NAXD: variants seen among roughly 807,000 people sequenced by gnomAD.
NAXD encodes the protein NAD(P)HX dehydratase, also known as ATP-dependent (S)-NAD(P)H-hydrate dehydratase.
In NAXD, 22 loss-of-function variants were observed where a neutral mutation model predicts 35.8. The ratio of observed to expected loss-of-function variants is 0.62; its 90% CI spans 0.44 to 0.88. NAXD has a LOEUF of 0.88. NAXD is among the 40% of genes least tolerant of loss of function. NAXD has a pLI of 0.00. For synonymous variants in NAXD, 189 were observed against 177.6 expected (o/e 1.06, Z -0.51); for missense variants, 428 against 437.7 (o/e 0.98, Z 0.20).
intron 5 of NAXD, among the ~76,000 whole-genome samples, chr13:110,629,112 G>A (rs997976854): frequency 1.1e-4 from 17 of 152,274 alleles, no homozygotes; most frequent in Admixed American, 9.2e-4. Context: ...TGTCTGGTGC[G>A]GAGCAGAGGC....
intron 1 of NAXD, 138 bp from the exon 2 acceptor site, chr13:110,622,078 A>G (rs1027902215): frequency 7.0e-6 from 5 of 714,714 alleles, no homozygotes; most frequent in Non-Finnish European, 1.1e-5. Context: ...TGAACATCAT[A>G]TTTGCTTACA....
chr13:110,637,351 A>G (rs3825467), intron 9 of NAXD, 102 bp downstream of exon 9: 193,702 of 1,370,198 alleles, frequency 0.14, 15,545 homozygotes, highest in Admixed American at 0.34. Flanking sequence ...AACACTGACA[A>G]TGAACTCTAG....
At position 110,622,313 on chromosome 13, in the gene NAXD, C is replaced by T. The variant is rs1428988517; in HGVS notation, c.144C>T (p.Ser48=). Residue 48 remains serine (S), a synonymous_variant, in exon 2 of 10, where the codon TCC becomes TCT. Coordinates refer to ENST00000680254, the MANE Select transcript of NAXD (RefSeq NM_001242882.2). The part of the protein sequence containing the change: ...LVRNIIPPLS[S]TKHKGQDGRI... Reference sequence around the variant, plus strand: ...GAAATATCATACCTCCTCTGTCTTCCACAAAGCACAAAGGGCAAGATGGAA... The same window carrying T: ...GAAATATCATACCTCCTCTGTCTTCTACAAAGCACAAAGGGCAAGATGGAA... 1.9e-6 allele frequency: 3 copies of T among 1,614,144 alleles called. No individual in the cohort carries two copies. In the South Asian group the frequency reaches 3.3e-5, roughly 18 times the overall value.
intron 8 of NAXD, 28 bp downstream of exon 8, chr13:110,635,616 G>C (rs749785679): frequency 6.2e-7 from 1 of 1,611,072 alleles, no homozygotes; most frequent in South Asian, 1.1e-5. Flanking sequence ...TCTGTGCATG[G>C]GCCAGTGCCA....
chr13:110,630,638 A>C (rs1442533270), intron 5 of NAXD, among the ~76,000 whole-genome samples: 2 of 152,036 alleles, frequency 1.3e-5, no homozygotes, highest in Non-Finnish European at 2.9e-5. Context: ...ACATGTTAAG[A>C]GCCTTATTGT....
intron 1 of NAXD, among the ~76,000 whole-genome samples, chr13:110,618,500 G>T (rs1886141474): frequency 6.6e-6 from 1 of 152,174 alleles, no homozygotes; most frequent in African/African-American, 2.4e-5. Flanking sequence ...TTCCCCCCGT[G>T]TTTTCTTCCT....
chr13:110,635,344 CAG>C (rs1331821621), intron 7 of NAXD, 122 bp from the exon 8 acceptor site: 15 of 1,161,132 alleles, frequency 1.3e-5, no homozygotes, highest in Non-Finnish European at 1.2e-5. Flanking sequence ...TGGCCTTTAA[CAG>C]GTGCCTGGGT....
chr13:110,629,024 T>C (rs1886606634), intron 5 of NAXD, among the ~76,000 whole-genome samples: 1 of 152,260 alleles, frequency 6.6e-6, no homozygotes, highest in African/African-American at 2.4e-5. Context: ...TTCTGGTTCC[T>C]GTACACTGTT....
At chr13:110,625,372 T>A in intron 4 of NAXD, 94 bp downstream of exon 4, 2 of 816,842 alleles carry the variant, frequency 2.4e-6, no homozygotes, top group Non-Finnish European at 4.1e-6. Flanking sequence ...CTGATGGATT[T>A]TCCATCCTCA....
chr13:110,632,506 G>A (rs903657996), intron 5 of NAXD, among the ~76,000 whole-genome samples: 5 of 152,126 alleles, frequency 3.3e-5, no homozygotes, highest in African/African-American at 9.7e-5. Context: ...GGCCTGTTTT[G>A]TCAGGGCACT....
At chr13:110,625,055 T>C (rs1429155632) in intron 3 of NAXD, 135 bp from the exon 4 acceptor site, 3 of 644,796 alleles carry the variant, frequency 4.7e-6, no homozygotes, top group South Asian at 1.9e-5. Flanking sequence ...GCCACCTGGC[T>C]GGGTGTAATC....
At chr13:110,625,431 G>T in intron 4 of NAXD, among the ~76,000 whole-genome samples, 153 bp downstream of exon 4, 1 of 152,330 alleles carries the variant, frequency 6.6e-6, no homozygotes, top group South Asian at 2.1e-4. Flanking sequence ...GAAGGAGCCC[G>T]TTCTTCTGGG....
intron 5 of NAXD, 47 bp downstream of exon 5, chr13:110,627,594 G>A: frequency 7.3e-7 from 1 of 1,360,714 alleles, no homozygotes; most frequent in South Asian, 1.2e-5. Flanking sequence ...CTTAGCCTTA[G>A]GCGTGAAGTT....
In NAXD at chr13:110,627,438, G is replaced by T; in HGVS notation, c.333-1G>T. 3 of 1,609,200 alleles carry T rather than the reference G, an allele frequency of 1.9e-6. No individual in the cohort carries two copies. Among genetic ancestry groups the T allele is most frequent in the Non-Finnish European group, 1.7e-6 (2 of 1,175,978 alleles). On this transcript the variant is annotated splice_acceptor_variant, in intron 4 of 9. Transcript: ENST00000680254. LOFTEE classifies it high-confidence loss of function. The stretch of plus-strand genomic sequence containing the variant: ...ATCCTGGCCTTCCTTTCCTTCTTTA[G>T]TGACAGCCCCAATGCTGTTCATGAG...
At position 110,638,409 on chromosome 13, in the gene NAXD, G is replaced by A. The variant is rs1290048682; in HGVS notation, c.871G>A (p.Ala291Thr). ...CCCTCTCCTGGTGGCCGCGTTTGGCGCCTGCTCTCTCACCAGGCAGTGCAA... is the reference window on the plus strand; with the variant it reads ...CCCTCTCCTGGTGGCCGCGTTTGGCACCTGCTCTCTCACCAGGCAGTGCAA... Reference protein sequence around the residue: ...SSPLLVAAFGACSLTRQCNHQ... With the variant: ...SSPLLVAAFGTCSLTRQCNHQ... Residue 291 changes from alanine (A) to threonine (T), a missense_variant, in exon 10 of 10, where the codon GCC becomes ACC. Ala to Thr is a moderately conservative substitution (Grantham distance 58). This residue lies in a region of NAXD where 209 missense variants were observed against 214.6 expected (regional missense o/e 0.97). Transcript: ENST00000680254. This position sits in a 1 kb window ranked among gnomAD's most constrained non-coding sequence, Gnocchi z 5.4. 4.3e-6 allele frequency: 7 copies of A among 1,613,502 alleles called. No homozygotes were observed. The South Asian group carries it at 5.5e-5, about 13-fold the overall frequency.
At chr13:110,623,954 A>G (rs534602686) in intron 2 of NAXD, among the ~76,000 whole-genome samples, 2 of 151,056 alleles carry the variant, frequency 1.3e-5, no homozygotes, top group South Asian at 2.1e-4. Context: ...ATGAGCCAAG[A>G]TCGTGCCATT....
chr13:110,625,679 C>G lies in NAXD; in HGVS notation c.332+401C>G, dbSNP rs974181696. On this transcript the variant is annotated intron_variant, in intron 4 of 9. Coordinates refer to ENST00000680254, the MANE Select transcript of NAXD (RefSeq NM_001242882.2). ...ATGGGTCAGCGTGGAACTGGGCAGG[C>G]AAAAACCTGCCCCCGTGGGGCTCCC... 2.6e-5 allele frequency among the ~76,000 whole-genome samples: 4 copies of G among 152,218 alleles called. 1 individual carries two copies. Among genetic ancestry groups the G allele is most frequent in the Non-Finnish European group, 1.5e-5 (1 of 68,032 alleles).
At chr13:110,619,076 C>T (rs982661897) in intron 1 of NAXD, among the ~76,000 whole-genome samples, 1 of 152,218 alleles carries the variant, frequency 6.6e-6, no homozygotes, top group African/African-American at 2.4e-5. Flanking sequence ...CTCCACCTGA[C>T]AGGTGCTCCA....
In NAXD at chr13:110,628,327, G is replaced by C. The variant is rs1886573571; in HGVS notation, c.441+780G>C. 6.6e-6 allele frequency among the ~76,000 whole-genome samples: 1 copy of C among 152,194 alleles called. No individual in the cohort carries two copies. The highest frequency in any genetic ancestry group is 2.4e-5 in the African/African-American group (1 of 41,456). On this transcript the variant is annotated intron_variant, in intron 5 of 9. Coordinates refer to ENST00000680254, the MANE Select transcript of NAXD (RefSeq NM_001242882.2). The surrounding 1 kb of genome is among the most constrained non-coding windows in gnomAD (Gnocchi z 4.1). ...TCCTGGGGGAAGACACAGTGTGCCA[G>C]ATGGCTTGGTGCCACAGGGTGCTCA...
Sources: allele counts gnomAD v4.1 joint callset (sites outside exome capture counted in the v4.1 genomes callset), GRCh38; gene constraint gnomAD v4.1.1; regional missense constraint gnomAD v4.1.1; non-coding constraint Gnocchi (gnomAD v3.1); transcripts MANE v1.5; gene names NCBI Gene and HGNC (gene_info 2026-07-23, HGNC 2026-07-21).